The following XDH variants were observed in gnomAD, a reference collection of about 807,000 sequenced individuals.
XDH encodes the protein xanthine dehydrogenase.
A neutral mutation model predicts 156.1 loss-of-function variants in XDH; 138 were observed. The observed-to-expected ratio is 0.88, with a 90% CI of 0.77 to 1.02. The LOEUF (loss-of-function observed/expected upper bound fraction) is 1.02, where lower values mean the gene tolerates loss of function less well. XDH is among the 50% of genes least tolerant of loss of function. The pLI, the probability that XDH is intolerant of heterozygous loss-of-function variation, is 0.00. For synonymous variants in XDH, 669 were observed against 625.7 expected (o/e 1.07, Z -1.03); for missense variants, 1,849 against 1,684.9 (o/e 1.10, Z -1.71).
At chr2:31,342,739 G>C (rs200655884) in intron 31 of XDH, among the ~76,000 whole-genome samples, 1 of 386 alleles carries the variant, frequency 2.6e-3, no homozygotes, top group Non-Finnish European at 5.1e-3. Context: ...CTCAAGGTGA[G>C]AAAGTTAATA....
At chr2:31,400,542 T>A (rs1304200543) in intron 4 of XDH, among the ~76,000 whole-genome samples, 1 of 152,200 alleles carries the variant, frequency 6.6e-6, no homozygotes, top group Admixed American at 6.5e-5. Flanking sequence ...TCTACTCCCC[T>A]TTCTTTCCAC....
At position 31,381,726 on chromosome 2, in the gene XDH, A is replaced by C; in HGVS notation, c.1039T>G (p.Ser347Ala). The C allele has an allele frequency of 6.2e-7, 1 of 1,612,674 alleles. No individual in the cohort carries two copies. The highest frequency in any genetic ancestry group is 8.5e-7 in the Non-Finnish European group (1 of 1,179,368). ...FAGKQVKSVA[S>A]VGGNIITASP... ...GCAGTGATGATGTTCCCTCCAACGGACTAAAACAAGCAGAGAGCATGCAGT... is the reference window on the plus strand; with the variant it reads ...GCAGTGATGATGTTCCCTCCAACGGCCTAAAACAAGCAGAGAGCATGCAGT... Residue 347 changes from serine to alanine, a missense_variant and splice_region_variant, in exon 12 of 36, where the codon TCC becomes GCC. Physicochemically the swap from Ser to Ala is moderately conservative, Grantham distance 99. Transcript: ENST00000379416.
At chr2:31,377,525 A>T (rs774428436) in intron 13 of XDH, among the ~76,000 whole-genome samples, 43 of 152,118 alleles carry the variant, frequency 2.8e-4, no homozygotes, top group Non-Finnish European at 5.0e-4. Flanking sequence ...CCATTGAACA[A>T]CAGCTGCAGG....
In XDH at chr2:31,335,859, C is replaced by T. The variant is rs1684957549; in HGVS notation, c.*99G>A. The T allele has an allele frequency of 7.4e-7, 1 of 1,359,970 alleles. No homozygotes were observed. The highest frequency in any genetic ancestry group is 1.4e-5 in the African/African-American group (1 of 69,866). The allele number at this position is 1,359,970 out of a possible 1,614,324, so 84.2% of individuals were successfully genotyped here. A position where few individuals can be genotyped will look rare whatever the true frequency, so the allele number is the denominator to read the frequency against. On this transcript the variant is annotated 3_prime_UTR_variant, in exon 36 of 36. Transcript: ENST00000379416. The stretch of plus-strand genomic sequence containing the variant: ...CCATCTTGACAAATCACAGGTCTGT[C>T]ATTCTGTGACTTTAATAGATCCATG...
chr2:31,339,709 G>C, intron 33 of XDH, 32 bp from the exon 34 acceptor site: 1 of 1,611,220 alleles, frequency 6.2e-7, no homozygotes, highest in Non-Finnish European at 8.5e-7. Context: ...CAGTTAGCCT[G>C]CCACCTTCTT....
chr2:31,388,706 C>A (rs1342732407), intron 6 of XDH, among the ~76,000 whole-genome samples: 9 of 152,174 alleles, frequency 5.9e-5, no homozygotes, highest in Non-Finnish European at 1.5e-5. Flanking sequence ...GTTCTAGGGG[C>A]GTGGCTGGTG....
chr2:31,370,097 T>C (rs1337099833), intron 18 of XDH, among the ~76,000 whole-genome samples: 1 of 152,242 alleles, frequency 6.6e-6, no homozygotes, highest in Non-Finnish European at 1.5e-5. Flanking sequence ...AATTGTTAGT[T>C]CAAATGCAAT....
Position 31,397,730 on chromosome 2 carries a change from C to T in XDH, c.434-1G>A. On this transcript the variant is annotated splice_acceptor_variant, in intron 5 of 35. Coordinates refer to ENST00000379416, the MANE Select transcript of XDH (RefSeq NM_000379.4). LOFTEE classifies it high-confidence loss of function. ...TAGCCTGTGCAGCGGCACAGATTTC[C>T]TGTGGGCCAAGGAAAAAACTGCAAT... The T allele has an allele frequency of 2.5e-6, 4 of 1,614,198 alleles. No homozygotes were observed. The highest frequency in any genetic ancestry group is 2.5e-6 in the Non-Finnish European group (3 of 1,180,036).
chr2:31,392,186 C>T (rs1300539490), intron 6 of XDH, among the ~76,000 whole-genome samples: 1 of 151,532 alleles, frequency 6.6e-6, no homozygotes, highest in African/African-American at 2.4e-5. Flanking sequence ...TGGATCTTCT[C>T]TTTTTTTTCT....
chr2:31,380,500 T>C (rs1338606527), intron 12 of XDH, among the ~76,000 whole-genome samples: 2 of 152,228 alleles, frequency 1.3e-5, no homozygotes, highest in Non-Finnish European at 2.9e-5. Flanking sequence ...CACATGCTAG[T>C]AGAGGCTGCC....
chr2:31,349,233 AAT>A (rs1162279968), intron 26 of XDH, among the ~76,000 whole-genome samples: 1 of 152,132 alleles, frequency 6.6e-6, no homozygotes, highest in Admixed American at 6.5e-5. Flanking sequence ...CACTGACAAT[AAT>A]AAAGCCTTCT....
chr2:31,399,470 A>G (rs1030099114), intron 4 of XDH, among the ~76,000 whole-genome samples: 35 of 152,228 alleles, frequency 2.3e-4, no homozygotes, highest in African/African-American at 8.2e-4. Context: ...AAGAAGTGGA[A>G]TCTGGCTCTG....
chr2:31,411,253 C>G (rs1687334640), intron 1 of XDH, among the ~76,000 whole-genome samples: 2 of 150,306 alleles, frequency 1.3e-5, no homozygotes, highest in Non-Finnish European at 1.5e-5. Flanking sequence ...TGCACTCCAG[C>G]CTGGGCGACA....
intron 24 of XDH, among the ~76,000 whole-genome samples, chr2:31,355,277 T>C (rs2148760241): frequency 6.6e-6 from 1 of 152,044 alleles, no homozygotes; most frequent in East Asian, 1.9e-4. Context: ...AAATAATGAC[T>C]AAAGGAAGTT....
chr2:31,346,703 G>A, intron 30 of XDH, 66 bp downstream of exon 30: 1 of 1,585,002 alleles, frequency 6.3e-7, no homozygotes, highest in Non-Finnish European at 8.7e-7. Flanking sequence ...TTCGGATTCG[G>A]AACGGAGGCC....
Position 31,401,346 on chromosome 2 carries a change from G to T in XDH, c.198-18C>A, listed in dbSNP as rs772168947. 6.2e-7 allele frequency: 1 copy of T among 1,613,418 alleles called. No homozygotes were observed. The highest frequency in any genetic ancestry group is 1.6e-4 in the Middle Eastern group (1 of 6,062). On this transcript the variant is annotated intron_variant, in intron 3 of 35. Coordinates refer to ENST00000379416, the MANE Select transcript of XDH (RefSeq NM_000379.4). ...AAAAGTGGCTAGAACCCCAGATTAA[G>T]GTCATTCCATTTATTGTCCACTCAG...
At position 31,348,051 on chromosome 2, in the gene XDH, T is replaced by C. The variant is rs45461698; in HGVS notation, c.3147+217A>G. Among the ~76,000 whole-genome samples the C allele has an allele frequency of 7.0e-3, 1,059 of 152,258 alleles. 5 individuals carry two copies. The highest frequency in any genetic ancestry group is 0.011 in the Admixed American group (167 of 15,300). Reference sequence around the variant, plus strand: ...CCTCACACACTGAGAATGTTGGTAATAGCAATGTCCTCAGAGGTCACCTGG... The same window carrying C: ...CCTCACACACTGAGAATGTTGGTAACAGCAATGTCCTCAGAGGTCACCTGG... On this transcript the variant is annotated intron_variant, in intron 28 of 35. Coordinates refer to ENST00000379416, the MANE Select transcript of XDH (RefSeq NM_000379.4).
At chr2:31,387,273 T>A (rs997286912) in intron 8 of XDH, among the ~76,000 whole-genome samples, 1 of 152,142 alleles carries the variant, frequency 6.6e-6, no homozygotes, top group Non-Finnish European at 1.5e-5. Context: ...AAACTCCGAG[T>A]GGCTTGATTC....
intron 6 of XDH, among the ~76,000 whole-genome samples, chr2:31,397,235 G>C (rs2148002793): frequency 6.6e-6 from 1 of 152,330 alleles, no homozygotes; most frequent in Admixed American, 6.5e-5. Context: ...GCCCAACAGA[G>C]TGCCAGCCAC....
Sources: gnomAD v4.1 joint callset for allele counts (sites outside exome capture counted in the v4.1 genomes callset) on GRCh38, gnomAD v4.1.1 for gene constraint, MANE v1.5 for transcripts, NCBI Gene and HGNC (gene_info 2026-07-23, HGNC 2026-07-21) for gene names.